Variants in TPTE2 observed in about 807,000 individuals in gnomAD.
The protein encoded by TPTE2 is phosphatidylinositol 3,4,5-trisphosphate 3-phosphatase TPTE2.
In TPTE2, 53 loss-of-function variants were observed where a neutral mutation model predicts 78.6. The observed-to-expected ratio is 0.67, with a 90% CI of 0.54 to 0.85. The LOEUF (loss-of-function observed/expected upper bound fraction) is 0.85. TPTE2 is among the 40% of genes least tolerant of loss of function. The pLI is 0.00. For missense variants in TPTE2, 461 were observed against 623.0 expected (o/e 0.74, Z 2.77); for synonymous variants, 175 against 206.2 (o/e 0.85, Z 1.30).
rs374568647 is a variant in TPTE2 at position 19,451,843 on chromosome 13, GTA to G, written c.742-620_742-619del. 2.2e-3 allele frequency among the ~76,000 whole-genome samples: 319 copies of G among 147,132 alleles called. 2 individuals carry two copies. The highest frequency in any genetic ancestry group is 7.7e-3 in the African/African-American group (306 of 39,772). On this transcript the variant is annotated intron_variant, in intron 10 of 19. Transcript: ENST00000400230. ...TGTGTGTGTGTGTGTGTGTGTGTGT[GTA>G]TATATGTATAACCTTTAAAATGAAA... is the stretch of plus-strand genomic sequence containing the variant.
At chr13:19,500,376 A>G (rs1326635354) in intron 1 of TPTE2, among the ~76,000 whole-genome samples, 1 of 152,002 alleles carries the variant, frequency 6.6e-6, no homozygotes, top group African/African-American at 2.4e-5. Flanking sequence ...AATATCCTTG[A>G]TGAACATTGA....
At chr13:19,464,494 A>G (rs1879138707) in exon 10 of TPTE2, 3 of 1,613,184 alleles carry the variant, frequency 1.9e-6, no homozygotes, top group Non-Finnish European at 1.7e-6. Context: ...CTTCCAGAAG[A>G]TGGAAATGAC....
chr13:19,505,031 T>C (rs1476167505), upstream of TPTE2, among the ~76,000 whole-genome samples: 1 of 152,160 alleles, frequency 6.6e-6, no homozygotes, highest in Non-Finnish European at 1.5e-5. Flanking sequence ...AGTAGATAGT[T>C]GGACACACAT....
At chr13:19,533,908 G>A (rs957605599) in intron 1 of TPTE2, among the ~76,000 whole-genome samples, 1 of 152,194 alleles carries the variant, frequency 6.6e-6, no homozygotes, top group Non-Finnish European at 1.5e-5. Context: ...AGTCAAGAAT[G>A]CAAAGCTAAC....
intron 10 of TPTE2, chr13:19,458,608 G>A (rs1878690390): frequency 2.1e-6 from 1 of 473,566 alleles, no homozygotes; most frequent in Admixed American, 2.2e-5. Flanking sequence ...TCTTCCACCT[G>A]AAGAGACCAT....
chr13:19,431,910 C>G (rs1876652746), intron 16 of TPTE2, among the ~76,000 whole-genome samples: 1 of 108,054 alleles, frequency 9.3e-6, no homozygotes, highest in Non-Finnish European at 2.1e-5. Context: ...AGTGGTGAGG[C>G]CCCATTCCTT....
chr13:19,518,756 TC>T (rs1869959923), intron 1 of TPTE2, among the ~76,000 whole-genome samples: 2 of 152,130 alleles, frequency 1.3e-5, no homozygotes, highest in Non-Finnish European at 2.9e-5. Flanking sequence ...AAGTCATCAC[TC>T]CCATCTTCAC....
chr13:19,528,684 A>G (rs1236630553), intron 1 of TPTE2, among the ~76,000 whole-genome samples: 1 of 152,190 alleles, frequency 6.6e-6, no homozygotes, highest in Non-Finnish European at 1.5e-5. Flanking sequence ...ACTTCCTTCG[A>G]GGCTGAATCA....
At chr13:19,558,191 G>A in the TPTE2 span, among the ~76,000 whole-genome samples, 1 of 152,168 alleles carries the variant, frequency 6.6e-6, no homozygotes, top group Non-Finnish European at 1.5e-5. Flanking sequence ...ACTAAGGCAA[G>A]TAATTGCATG....
At chr13:19,469,266 T>C (rs1162480663) in intron 6 of TPTE2, among the ~76,000 whole-genome samples, 2 of 152,172 alleles carry the variant, frequency 1.3e-5, no homozygotes, top group Non-Finnish European at 2.9e-5. Flanking sequence ...CCCAGAACCG[T>C]TTGTTGAAGA....
chr13:19,478,047 T>C (rs1247880128), intron 4 of TPTE2, among the ~76,000 whole-genome samples: 1 of 152,168 alleles, frequency 6.6e-6, no homozygotes, highest in Non-Finnish European at 1.5e-5. Context: ...AGAGAAAAGA[T>C]GGTAAATAAT....
intron 1 of TPTE2, among the ~76,000 whole-genome samples, chr13:19,522,991 G>A (rs1278255065): frequency 1.3e-5 from 2 of 152,078 alleles, no homozygotes; most frequent in African/African-American, 4.8e-5. Context: ...TAGCCATTAT[G>A]TTCAGCAATT....
At chr13:19,515,325 A>G (rs1167720785) in intron 1 of TPTE2, among the ~76,000 whole-genome samples, 2 of 152,180 alleles carry the variant, frequency 1.3e-5, no homozygotes, top group African/African-American at 4.8e-5. Flanking sequence ...CTTTCTCACA[A>G]TGGAAATGTG....
chr13:19,544,519 T>C, the TPTE2 span, among the ~76,000 whole-genome samples: 2 of 152,236 alleles, frequency 1.3e-5, no homozygotes, highest in East Asian at 1.9e-4. Context: ...ATAGATTAAA[T>C]AGAAAAAGGC....
At chr13:19,522,438 G>C (rs1870207818) in intron 1 of TPTE2, among the ~76,000 whole-genome samples, 1 of 152,184 alleles carries the variant, frequency 6.6e-6, no homozygotes, top group South Asian at 2.1e-4. Context: ...TGCCAGTTTT[G>C]CTGTCAAAAG....
chr13:19,464,585 A>G (rs558429136), intron 9 of TPTE2, 65 bp from the exon 13 acceptor site: 22 of 1,540,362 alleles, frequency 1.4e-5, no homozygotes, highest in Non-Finnish European at 1.9e-5. Flanking sequence ...AAAAAAAATT[A>G]ATTTATACAT....
chr13:19,547,856 CAA>C, the TPTE2 span, among the ~76,000 whole-genome samples: 277 of 150,974 alleles, frequency 1.8e-3, 11 homozygotes, highest in South Asian at 0.045. Context: ...AAACTATCGA[CAA>C]CGGTTATTTC....
At chr13:19,462,538 CT>C (rs34343811) in intron 10 of TPTE2, among the ~76,000 whole-genome samples, 27,347 of 143,372 alleles carry the variant, frequency 0.19, 3,445 homozygotes, top group African/African-American at 0.37. Flanking sequence ...TTAACATTTC[CT>C]TTTTTTTTTT....
upstream of TPTE2, among the ~76,000 whole-genome samples, chr13:19,538,989 T>G (rs983578885): frequency 1.3e-5 from 2 of 152,220 alleles, no homozygotes; most frequent in Admixed American, 1.3e-4. Flanking sequence ...GACTTCTTGC[T>G]GGTGGGGACT....
Sources: allele counts gnomAD v4.1 joint callset (sites outside exome capture counted in the v4.1 genomes callset), GRCh38; gene constraint gnomAD v4.1.1; transcripts MANE v1.5; gene names NCBI Gene and HGNC (gene_info 2026-07-23, HGNC 2026-07-21).